NDST4: variants seen among roughly 807,000 people sequenced by gnomAD.
NDST4 encodes N-heparan sulfate sulfotransferase 4.
NDST4 carries 63 observed loss-of-function variants against 100.8 expected under a neutral mutation model. The observed-to-expected ratio is 0.62, with a 90% CI of 0.51 to 0.77. NDST4 has a LOEUF of 0.77. Ranked by LOEUF, NDST4 falls within the 30% of genes least tolerant of loss-of-function variation. NDST4 has a pLI of 0.00. For missense variants in NDST4, 943 were observed against 1,018.4 expected (o/e 0.93, Z 1.01); for synonymous variants, 377 against 361.8 (o/e 1.04, Z -0.48).
At chr4:114,973,318 G>A (rs973363619) in intron 3 of NDST4, among the ~76,000 whole-genome samples, 2 of 151,198 alleles carry the variant, frequency 1.3e-5, no homozygotes, top group Non-Finnish European at 3.0e-5. Flanking sequence ...ATCATTTGCA[G>A]TTTATATGTG....
intron 4 of NDST4, among the ~76,000 whole-genome samples, chr4:114,941,310 T>G (rs187377994): frequency 1.3e-5 from 2 of 152,242 alleles, no homozygotes; most frequent in East Asian, 3.9e-4. Context: ...TCTTACTTTT[T>G]CACTAAGTTG....
chr4:114,859,000 T>C (rs1212727581), intron 7 of NDST4, among the ~76,000 whole-genome samples: 1 of 152,182 alleles, frequency 6.6e-6, no homozygotes, highest in Non-Finnish European at 1.5e-5. Context: ...GGGAGAAGTA[T>C]CTTTGGCATT....
intron 4 of NDST4, among the ~76,000 whole-genome samples, chr4:114,956,942 C>T (rs1435730090): frequency 1.3e-5 from 2 of 151,948 alleles, no homozygotes; most frequent in Admixed American, 6.6e-5. Flanking sequence ...GAAAATAAAG[C>T]GAGCAATTGA....
Position 114,970,602 on chromosome 4 carries a change from A to T in NDST4, c.1067-18T>A, listed in dbSNP as rs1456585110. ...TTCAGTCCCTTTAAAACATAAAGTTAAAAATAACTTTAGTGAAAATTTCTT... is the reference window on the plus strand; with the variant it reads ...TTCAGTCCCTTTAAAACATAAAGTTTAAAATAACTTTAGTGAAAATTTCTT... On this transcript the variant is annotated intron_variant, in intron 3 of 13. Coordinates refer to ENST00000264363, the MANE Select transcript of NDST4 (RefSeq NM_022569.3). The T allele has an allele frequency of 6.3e-7, 1 of 1,592,870 alleles. No individual in the cohort carries two copies.
At chr4:115,090,584 C>G (rs1177755792) in intron 1 of NDST4, among the ~76,000 whole-genome samples, 1 of 151,570 alleles carries the variant, frequency 6.6e-6, no homozygotes, top group Non-Finnish European at 1.5e-5. Context: ...ACCTGTCTAT[C>G]GGTATATCAC....
chr4:115,006,409 A>G (rs531087979), intron 2 of NDST4, among the ~76,000 whole-genome samples: 7 of 152,294 alleles, frequency 4.6e-5, no homozygotes, highest in Admixed American at 1.3e-4. Context: ...TCCTATAACT[A>G]TAAAAATAAT....
At chr4:115,027,857 C>A (rs1728022426) in intron 2 of NDST4, among the ~76,000 whole-genome samples, 1 of 152,034 alleles carries the variant, frequency 6.6e-6, no homozygotes, top group Non-Finnish European at 1.5e-5. Flanking sequence ...AGTTTGAAAC[C>A]AGCCTGACCA....
chr4:114,929,709 G>A (rs1323035212), intron 6 of NDST4, among the ~76,000 whole-genome samples: 1 of 152,082 alleles, frequency 6.6e-6, no homozygotes, highest in East Asian at 1.9e-4. Context: ...TTCACAAGTG[G>A]TAAACATGGA....
chr4:115,103,665 C>T (rs988606358), intron 1 of NDST4, among the ~76,000 whole-genome samples: 2 of 152,072 alleles, frequency 1.3e-5, no homozygotes, highest in South Asian at 2.1e-4. Flanking sequence ...CACAGGTAAA[C>T]CTGCTATTTT....
chr4:114,961,998 T>G (rs1282762088), intron 4 of NDST4, among the ~76,000 whole-genome samples: 1 of 152,024 alleles, frequency 6.6e-6, no homozygotes, highest in East Asian at 1.9e-4. Context: ...AATAACAAAG[T>G]GGGATTTATC....
intron 7 of NDST4, among the ~76,000 whole-genome samples, chr4:114,869,592 C>G (rs1436057132): frequency 9.2e-5 from 14 of 152,060 alleles, no homozygotes; most frequent in Admixed American, 9.2e-4. Flanking sequence ...AATTACATAT[C>G]AAATGGTAGA....
intron 1 of NDST4, among the ~76,000 whole-genome samples, chr4:115,099,152 A>T (rs1729679269): frequency 6.6e-6 from 1 of 152,202 alleles, no homozygotes; most frequent in East Asian, 1.9e-4. Context: ...TAATTAACTC[A>T]AGTGAATTTT....
chr4:115,066,892 G>A (rs533155), intron 2 of NDST4, among the ~76,000 whole-genome samples: 36,674 of 151,980 alleles, frequency 0.24, 5,912 homozygotes, highest in East Asian at 0.46. Context: ...CACATTCTCT[G>A]TTGTGTGCCC....
intron 4 of NDST4, among the ~76,000 whole-genome samples, chr4:114,948,708 G>A (rs1725924503): frequency 1.3e-5 from 2 of 151,984 alleles, no homozygotes; most frequent in Non-Finnish European, 2.9e-5. Context: ...TCTCTCCAGT[G>A]TAAACATATT....
At chr4:114,943,182 G>C (rs1344319284) in intron 4 of NDST4, among the ~76,000 whole-genome samples, 6 of 150,324 alleles carry the variant, frequency 4.0e-5, no homozygotes, top group African/African-American at 1.5e-4. Flanking sequence ...TAAAAAGTTT[G>C]AATGTTTAAT....
Position 115,076,538 on chromosome 4 carries a change from C to T in NDST4, c.499G>A (p.Ala167Thr), listed in dbSNP as rs1230951099. ...YSVSIIGFHK[A>T]NENSLPSTQL... is the part of the protein sequence containing the mutation. ...GTACTTGGTAAGCTGTTCTCATTGG[C>T]TTTATGAAAACCGATTATACTAACA... The change falls in exon 2 of 14, where the codon GCC becomes ACC. Residue 167 changes from alanine (A) to threonine (T), a missense_variant. This residue lies in a region of NDST4 where 417 missense variants were observed against 384.2 expected (regional missense o/e 1.09). Transcript: ENST00000264363. 6.2e-7 allele frequency: 1 copy of T among 1,613,954 alleles called. No individual in the cohort carries two copies. The highest frequency in any genetic ancestry group is 8.5e-7 in the Non-Finnish European group (1 of 1,179,950).
chr4:114,922,002 G>C (rs570900394), intron 6 of NDST4, among the ~76,000 whole-genome samples: 1 of 146,994 alleles, frequency 6.8e-6, no homozygotes, highest in Admixed American at 6.8e-5. Context: ...TGTTACAGTC[G>C]GTAGTTAGTC....
At position 114,928,813 on chromosome 4, in the gene NDST4, G is replaced by T. The variant is rs80115154; in HGVS notation, c.1536+6393C>A. Among the ~76,000 whole-genome samples, 644 of 152,068 alleles carry T rather than the reference G, an allele frequency of 4.2e-3. 7 individuals carry two copies. The highest frequency in any genetic ancestry group is 0.027 in the Middle Eastern group (8 of 294). On this transcript the variant is annotated intron_variant, in intron 6 of 13. Coordinates refer to ENST00000264363, the MANE Select transcript of NDST4 (RefSeq NM_022569.3). ...TTGACTGCCTTCACTTTGGGACACTGTTTTTTCTTCTCTGCCTTTGAACTC... is the reference window on the plus strand; with the variant it reads ...TTGACTGCCTTCACTTTGGGACACTTTTTTTTCTTCTCTGCCTTTGAACTC...
At chr4:115,052,521 A>G (rs573772) in intron 2 of NDST4, among the ~76,000 whole-genome samples, 114,315 of 151,792 alleles carry the variant, frequency 0.75, 43,318 homozygotes, top group African/African-American at 0.83. Flanking sequence ...AGTCTTCCCC[A>G]TATTGTTCTC....
Sources: gnomAD v4.1 joint callset for allele counts (sites outside exome capture counted in the v4.1 genomes callset) on GRCh38, gnomAD v4.1.1 for gene constraint, gnomAD v4.1.1 regional missense constraint, MANE v1.5 for transcripts, NCBI Gene and HGNC (gene_info 2026-07-23, HGNC 2026-07-21) for gene names.